The following LHFPL3 variants were observed in gnomAD, a reference collection of about 807,000 sequenced individuals.
LHFPL3 encodes the protein LHFPL tetraspan subfamily member 3 protein.
A neutral mutation model predicts 19.3 loss-of-function variants in LHFPL3; 5 were observed. The ratio of observed to expected loss-of-function variants is 0.26; its 90% confidence interval spans 0.14 to 0.54. The LOEUF (loss-of-function observed/expected upper bound fraction) is 0.54, where lower values mean the gene tolerates loss of function less well. Among genes scored for constraint, LHFPL3 ranks in the 20% least tolerant of loss-of-function variants. The probability of loss-of-function intolerance (pLI) is 0.94; values close to 1 mark genes in which losing one functional copy is unlikely to be tolerated. For missense variants in LHFPL3, 249 were observed against 307.4 expected, an observed-to-expected ratio of 0.81 and a Z score of 1.42; for synonymous variants, 133 against 126.2, an observed-to-expected ratio of 1.05 and a Z score of -0.36.
At chr7:104,670,243 G>A (rs577026881) in intron 1 of LHFPL3, among the ~76,000 whole-genome samples, 7 of 151,616 alleles carry the variant, frequency 4.6e-5, no homozygotes, top group Admixed American at 2.0e-4. Context: ...ATCGTGGTTT[G>A]AAAGGAAGCT....
At chr7:104,773,818 AG>A (rs1416157769) in intron 2 of LHFPL3, among the ~76,000 whole-genome samples, 2 of 152,092 alleles carry the variant, frequency 1.3e-5, no homozygotes, top group African/African-American at 4.8e-5. Flanking sequence ...GGTAGGGGAG[AG>A]GCCTGGGACA....
intron 1 of LHFPL3, among the ~76,000 whole-genome samples, chr7:104,660,344 G>T (rs1792203241): frequency 6.6e-6 from 1 of 152,190 alleles, no homozygotes; most frequent in Non-Finnish European, 1.5e-5. Context: ...TCACCATCTG[G>T]TTTGTCAGCA....
At chr7:104,717,344 A>G (rs948194952) in intron 1 of LHFPL3, among the ~76,000 whole-genome samples, 1 of 152,214 alleles carries the variant, frequency 6.6e-6, no homozygotes, top group African/African-American at 2.4e-5. Context: ...AGAACAAAGG[A>G]AATAATAAGC....
chr7:104,396,907 T>A (rs986196505), intron 1 of LHFPL3, among the ~76,000 whole-genome samples: 1 of 152,060 alleles, frequency 6.6e-6, no homozygotes, highest in African/African-American at 2.4e-5. Flanking sequence ...GAGGCTGAGG[T>A]TGCAGTGAGC....
At chr7:104,403,403 G>C (rs1308439067) in intron 1 of LHFPL3, among the ~76,000 whole-genome samples, 1 of 152,128 alleles carries the variant, frequency 6.6e-6, no homozygotes, top group Non-Finnish European at 1.5e-5. Flanking sequence ...TTCAGGACAA[G>C]GACTATGTCT....
At chr7:104,365,222 C>T (rs968109106) in intron 1 of LHFPL3, among the ~76,000 whole-genome samples, 1 of 152,008 alleles carries the variant, frequency 6.6e-6, no homozygotes, top group Non-Finnish European at 1.5e-5. Flanking sequence ...TTGCTTGAAC[C>T]TGAGAGGCAG....
chr7:104,380,000 A>G (rs1390622905), intron 1 of LHFPL3, among the ~76,000 whole-genome samples: 3 of 152,154 alleles, frequency 2.0e-5, no homozygotes, highest in Non-Finnish European at 4.4e-5. Context: ...ACTTGTTTAT[A>G]TTGTAAAGTC....
intron 2 of LHFPL3, among the ~76,000 whole-genome samples, chr7:104,794,568 A>G (rs569506772): frequency 6.6e-6 from 1 of 152,332 alleles, no homozygotes; most frequent in Admixed American, 6.5e-5. Context: ...TCAAGAGCCA[A>G]TGTTTCTTTA....
At chr7:104,597,476 G>A (rs776699947) in intron 1 of LHFPL3, among the ~76,000 whole-genome samples, 3 of 152,204 alleles carry the variant, frequency 2.0e-5, no homozygotes, top group Non-Finnish European at 4.4e-5. Flanking sequence ...ATACCAGAAG[G>A]AATTAAATGC....
chr7:104,685,696 A>C (rs12536801), intron 1 of LHFPL3, among the ~76,000 whole-genome samples: 74,984 of 152,026 alleles, frequency 0.49, 18,918 homozygotes, highest in East Asian at 0.59. Flanking sequence ...AGCTGCAGGA[A>C]TCTCTCCCTC....
intron 1 of LHFPL3, among the ~76,000 whole-genome samples, chr7:104,527,488 G>C (rs1357884161): frequency 6.6e-6 from 1 of 152,148 alleles, no homozygotes; most frequent in South Asian, 2.1e-4. Context: ...GGAGACCAAG[G>C]GGAACAGAGT....
chr7:104,544,240 T>A (rs1794540180), intron 1 of LHFPL3, among the ~76,000 whole-genome samples: 1 of 152,146 alleles, frequency 6.6e-6, no homozygotes, highest in Admixed American at 6.6e-5. Flanking sequence ...TTCCAATGAA[T>A]TTTAAGATTC....
intron 1 of LHFPL3, among the ~76,000 whole-genome samples, chr7:104,551,116 TAC>T (rs3049711): frequency 0.2 from 29,389 of 149,560 alleles, 3,030 homozygotes; most frequent in Non-Finnish European, 0.24. Context: ...CATCCTTGTG[TAC>T]ACACACACAC....
At chr7:104,455,238 A>T (rs899578022) in intron 1 of LHFPL3, among the ~76,000 whole-genome samples, 1 of 152,228 alleles carries the variant, frequency 6.6e-6, no homozygotes, top group Non-Finnish European at 1.5e-5. Context: ...ATTGGTGATG[A>T]GGCATATTAA....
At chr7:104,573,187 C>T (rs1266863689) in intron 1 of LHFPL3, among the ~76,000 whole-genome samples, 2 of 151,990 alleles carry the variant, frequency 1.3e-5, no homozygotes, top group South Asian at 2.1e-4. Flanking sequence ...CCAAGGCGGG[C>T]GGATCACCTG....
intron 1 of LHFPL3, among the ~76,000 whole-genome samples, chr7:104,699,599 A>G (rs1793063230): frequency 6.6e-6 from 1 of 152,246 alleles, no homozygotes; most frequent in African/African-American, 2.4e-5. Flanking sequence ...GGGGAAGATG[A>G]AAAAGTTCTG....
chr7:104,782,027 A>G (rs1415651680), intron 2 of LHFPL3, among the ~76,000 whole-genome samples: 1 of 152,230 alleles, frequency 6.6e-6, no homozygotes, highest in East Asian at 1.9e-4. Flanking sequence ...TATCACGCTT[A>G]TAATATCATG....
chr7:104,690,562 C>T (rs958574718), intron 1 of LHFPL3, among the ~76,000 whole-genome samples: 2 of 152,176 alleles, frequency 1.3e-5, no homozygotes, highest in East Asian at 1.9e-4. Flanking sequence ...GACATATTTG[C>T]GTGCCAGGGG....
intron 1 of LHFPL3, among the ~76,000 whole-genome samples, chr7:104,653,912 G>A (rs911588394): frequency 2.6e-5 from 4 of 152,090 alleles, no homozygotes; most frequent in East Asian, 1.9e-4. Context: ...CAGCCTCCAC[G>A]CAGAACCAGG....
Sources: allele counts gnomAD v4.1 joint callset (sites outside exome capture counted in the v4.1 genomes callset), GRCh38; gene constraint gnomAD v4.1.1; transcripts MANE v1.5; gene names NCBI Gene and HGNC (gene_info 2026-07-23, HGNC 2026-07-21).